RYR1: variants seen among roughly 807,000 people sequenced by gnomAD.
The protein encoded by RYR1 is ryanodine receptor 1, also known as central core disease of muscle.
In RYR1, 342 loss-of-function variants were observed where a neutral mutation model predicts 583.5. That is an observed-to-expected ratio of 0.59 (90% confidence interval 0.54 to 0.64). The LOEUF is 0.64. RYR1 is among the 30% of genes least tolerant of loss of function. RYR1 has a pLI of 0.00. For missense variants in RYR1, 6,032 were observed against 6,917.2 expected (o/e 0.87, Z 4.54); for synonymous variants, 2,791 against 2,822.5 (o/e 0.99, Z 0.35).
At chr19:38,523,552 C>T in intron 69 of RYR1, 1 of 608,590 alleles carries the variant, frequency 1.6e-6, no homozygotes, top group Non-Finnish European at 2.9e-6. Context: ...TCTCTGTCTC[C>T]TTCCTCCTCC....
In RYR1 at chr19:38,565,111, CGACGAG is replaced by C. The variant is rs746833347; in HGVS notation, c.12785_12790del (p.Asp4262_Glu4263del). On this transcript the variant is annotated inframe_deletion, in exon 91 of 106. Transcript: ENST00000359596. The surrounding 1 kb of genome is among the most constrained non-coding windows in gnomAD (Gnocchi z 4.7). ...CGGAGCCCGAGGGCGAGCCGGAGAC[CGACGAG>C]GACGAGGGCGCGGGCGCGGCGGAGG... 5.6e-5 allele frequency: 86 copies of C among 1,542,754 alleles called. 2 individuals are homozygous for C. Among genetic ancestry groups the C allele is most frequent in the South Asian group, 4.7e-4 (40 of 84,282 alleles).
chr19:38,458,832 C>T (rs1222327395), intron 18 of RYR1, among the ~76,000 whole-genome samples: 2 of 152,084 alleles, frequency 1.3e-5, no homozygotes, highest in Admixed American at 6.6e-5. Flanking sequence ...ACCACATTGG[C>T]CAGGCTGGTC....
intron 9 of RYR1, among the ~76,000 whole-genome samples, chr19:38,447,897 T>G: frequency 7.1e-6 from 1 of 141,482 alleles, no homozygotes; most frequent in Admixed American, 7.0e-5. Flanking sequence ...CTCTCTGGAG[T>G]CCTGTGGGAA....
chr19:38,586,087 A>G lies in RYR1; in HGVS notation c.14869-4A>G. 6.2e-7 allele frequency: 1 copy of G among 1,614,164 alleles called. No individual in the cohort carries two copies. Among genetic ancestry groups the G allele is most frequent in the Non-Finnish European group, 8.5e-7 (1 of 1,180,026 alleles). On this transcript the variant is annotated splice_polypyrimidine_tract_variant and splice_region_variant and intron_variant, in intron 103 of 105. Transcript: ENST00000359596. ...TCCACTCTGATGTCTCTTGCCACTC[A>G]CAGACCAAGTGCTTCATCTGTGGAA... is the stretch of plus-strand genomic sequence containing the variant.
At chr19:38,458,388 C>T in intron 18 of RYR1, 96 bp downstream of exon 18, 2 of 1,315,372 alleles carry the variant, frequency 1.5e-6, no homozygotes, top group Non-Finnish European at 2.2e-6. Context: ...AGGATCCTGA[C>T]TCCCTGAAAA....
intron 66 of RYR1, among the ~76,000 whole-genome samples, 182 bp from the exon 67 acceptor site, chr19:38,519,032 G>A (rs1418205024): frequency 6.6e-6 from 1 of 152,128 alleles, no homozygotes; most frequent in Non-Finnish European, 1.5e-5. Flanking sequence ...CTGGGTCTTA[G>A]GTTCAGGTTA....
Position 38,478,074 on chromosome 19 carries a change from T to TCTC in RYR1, c.4454+217_4454+219dup, listed in dbSNP as rs893527314. The stretch of plus-strand genomic sequence containing the variant: ...TCTCTTCCTGCCCTGGTATTTTTCT[T>TCTC]CTCCTCCTCCTCCTCTTTATGCATT... On this transcript the variant is annotated intron_variant, in intron 30 of 105. Transcript: ENST00000359596. Among the ~76,000 whole-genome samples, 14 of 151,574 alleles carry TCTC rather than the reference T, an allele frequency of 9.2e-5. No individual in the cohort carries two copies. The East Asian group carries it at 9.7e-4, about 11-fold the overall frequency.
chr19:38,456,915 A>G lies in RYR1; in HGVS notation c.1792-582A>G, dbSNP rs903487889. On this transcript the variant is annotated intron_variant, in intron 16 of 105. Transcript: ENST00000359596. ...CAAAAAATTAGCCAGGCATGGTGGC[A>G]GGCGCCTGTAGTCCCAGCTACTCGG... is the stretch of plus-strand genomic sequence containing the variant. 2.8e-4 allele frequency among the ~76,000 whole-genome samples: 43 copies of G among 151,818 alleles called. No individual in the cohort carries two copies. In the East Asian group the frequency reaches 5.3e-3, roughly 19 times the overall value.
At chr19:38,472,543 A>C (rs1968478144) in intron 27 of RYR1, among the ~76,000 whole-genome samples, 1 of 152,150 alleles carries the variant, frequency 6.6e-6, no homozygotes, top group Admixed American at 6.6e-5. Flanking sequence ...TCCCATCCGA[A>C]GCAACCACTT....
chr19:38,515,817 T>G (rs1362870730), intron 64 of RYR1, among the ~76,000 whole-genome samples: 4 of 152,072 alleles, frequency 2.6e-5, no homozygotes, highest in Non-Finnish European at 5.9e-5. Flanking sequence ...GGTGTGTGCC[T>G]GTAATCCCAG....
At chr19:38,510,878 C>G (rs577055692) in intron 60 of RYR1, 97 bp downstream of exon 60, 1 of 1,554,450 alleles carries the variant, frequency 6.4e-7, no homozygotes, top group South Asian at 1.1e-5. Flanking sequence ...GTGTTGGGTA[C>G]TGACCGTCTC....
At chr19:38,564,517 C>CTT (rs1014124025) in intron 90 of RYR1, among the ~76,000 whole-genome samples, 11 of 143,648 alleles carry the variant, frequency 7.7e-5, no homozygotes, top group South Asian at 2.2e-4. Flanking sequence ...TAGATCTTGT[C>CTT]TTTTTTTTTT....
chr19:38,539,212 T>TTTGTGCCA (rs1972099526), intron 84 of RYR1, among the ~76,000 whole-genome samples: 1 of 151,936 alleles, frequency 6.6e-6, no homozygotes, highest in Non-Finnish European at 1.5e-5. Context: ...ATTAAATACC[T>TTTGTGCCA]TTGTGCCATG....
chr19:38,518,154 G>C (rs967401150), intron 66 of RYR1, among the ~76,000 whole-genome samples: 1 of 151,908 alleles, frequency 6.6e-6, no homozygotes, highest in East Asian at 1.9e-4. Flanking sequence ...AAGAAAGAAG[G>C]AAGGATGGAG....
chr19:38,464,249 C>T (rs1427064262), intron 22 of RYR1, among the ~76,000 whole-genome samples: 1 of 133,558 alleles, frequency 7.5e-6, no homozygotes, highest in Non-Finnish European at 1.5e-5. Flanking sequence ...TGCACTCCAG[C>T]CTGGGCGACA....
At chr19:38,520,337 A>G (rs566236168) in intron 67 of RYR1, among the ~76,000 whole-genome samples, 173 of 148,526 alleles carry the variant, frequency 1.2e-3, no homozygotes, top group African/African-American at 4.0e-3. Flanking sequence ...AAGTGTTGGG[A>G]TTACAGAAGT....
At chr19:38,446,816 T>C in intron 9 of RYR1, 48 bp downstream of exon 9, 1 of 1,495,854 alleles carries the variant, frequency 6.7e-7, no homozygotes, top group Non-Finnish European at 9.3e-7. Context: ...TGGGGTCACC[T>C]GGCAGGCTGG....
chr19:38,473,215 C>T (rs992371993), intron 27 of RYR1, among the ~76,000 whole-genome samples, 162 bp from the exon 28 acceptor site: 1 of 152,100 alleles, frequency 6.6e-6, no homozygotes, highest in Non-Finnish European at 1.5e-5. Context: ...GCGGTGTACC[C>T]GGCCGGGAGC....
chr19:38,514,709 C>T (rs983117292), intron 63 of RYR1, among the ~76,000 whole-genome samples: 6 of 152,150 alleles, frequency 3.9e-5, no homozygotes, highest in Admixed American at 1.3e-4. Context: ...GTCCTCTCCA[C>T]GGAAGAAACA....
Sources: gnomAD v4.1 joint callset for allele counts (sites outside exome capture counted in the v4.1 genomes callset) on GRCh38, gnomAD v4.1.1 for gene constraint, Gnocchi (gnomAD v3.1) non-coding constraint, MANE v1.5 for transcripts, NCBI Gene and HGNC (gene_info 2026-07-23, HGNC 2026-07-21) for gene names.